ADGRB3: variants seen among roughly 807,000 people sequenced by gnomAD.
ADGRB3 encodes the protein adhesion G protein-coupled receptor B3.
In ADGRB3, 37 loss-of-function variants were observed where a neutral mutation model predicts 193.4. The ratio of observed to expected loss-of-function variants is 0.19; its 90% CI spans 0.15 to 0.25. The LOEUF is 0.25. Among genes scored for constraint, ADGRB3 ranks in the 10% least tolerant of loss-of-function variants. ADGRB3 has a pLI of 1.00. For synonymous variants in ADGRB3, 690 were observed against 644.2 expected (o/e 1.07, Z -1.08); for missense variants, 1,637 against 1,852.9 (o/e 0.88, Z 2.14).
At chr6:68,738,116 G>A (rs117264859) in intron 3 of ADGRB3, among the ~76,000 whole-genome samples, 3,229 of 152,220 alleles carry the variant, frequency 0.021, 63 homozygotes, top group South Asian at 0.068. Flanking sequence ...AATGTTTTGG[G>A]ATAAGGGTTC....
chr6:69,206,207 A>G (rs1765537176), intron 17 of ADGRB3, among the ~76,000 whole-genome samples: 1 of 151,642 alleles, frequency 6.6e-6, no homozygotes, highest in Non-Finnish European at 1.5e-5. Flanking sequence ...GAGGGCAGGA[A>G]GCATGCGGAA....
At chr6:69,184,165 T>C (rs1765015959) in intron 17 of ADGRB3, among the ~76,000 whole-genome samples, 1 of 152,094 alleles carries the variant, frequency 6.6e-6, no homozygotes, top group African/African-American at 2.4e-5. Context: ...TCGTCATAGC[T>C]GTAGCAAGTC....
At chr6:69,387,481 T>C (rs1214522717) in intron 31 of ADGRB3, among the ~76,000 whole-genome samples, 1 of 149,550 alleles carries the variant, frequency 6.7e-6, no homozygotes, top group Non-Finnish European at 1.5e-5. Flanking sequence ...CCATATATTC[T>C]CAGAAGTAAG....
chr6:68,798,907 G>A (rs757818125), intron 3 of ADGRB3, among the ~76,000 whole-genome samples: 14 of 152,154 alleles, frequency 9.2e-5, no homozygotes, highest in Non-Finnish European at 1.9e-4. Flanking sequence ...GAAGCTTCAC[G>A]AGTGAAAGGA....
chr6:69,117,039 T>C (rs1338560103), intron 17 of ADGRB3, among the ~76,000 whole-genome samples: 1 of 152,190 alleles, frequency 6.6e-6, no homozygotes, highest in African/African-American at 2.4e-5. Context: ...TTTTTTGTCT[T>C]ATTACAAAAG....
chr6:68,648,835 A>G (rs1018782906), intron 3 of ADGRB3, among the ~76,000 whole-genome samples: 8 of 151,436 alleles, frequency 5.3e-5, no homozygotes, highest in African/African-American at 1.7e-4. Flanking sequence ...AACACTAATA[A>G]TTTGTTCTCC....
intron 17 of ADGRB3, among the ~76,000 whole-genome samples, chr6:69,094,044 A>G (rs1483306865): frequency 6.6e-6 from 1 of 152,216 alleles, no homozygotes; most frequent in Admixed American, 6.5e-5. Context: ...ATGCTCTTAC[A>G]GGAATCCAGG....
chr6:68,912,165 A>G (rs998490989), intron 3 of ADGRB3, among the ~76,000 whole-genome samples: 1 of 152,048 alleles, frequency 6.6e-6, no homozygotes, highest in African/African-American at 2.4e-5. Flanking sequence ...GCTTGGATTC[A>G]GAAAACCTTT....
At chr6:69,261,441 G>T (rs1766926123) in intron 20 of ADGRB3, among the ~76,000 whole-genome samples, 1 of 151,966 alleles carries the variant, frequency 6.6e-6, no homozygotes, top group Admixed American at 6.6e-5. Context: ...GGATACAGGG[G>T]CCACTGAATG....
At chr6:69,239,363 G>T in intron 20 of ADGRB3, 137 bp downstream of exon 20, 1 of 596,392 alleles carries the variant, frequency 1.7e-6, no homozygotes, top group Non-Finnish European at 2.9e-6. Flanking sequence ...TTTGTTATTG[G>T]TTTATGAATA....
chr6:68,740,793 C>T (rs1765965552), intron 3 of ADGRB3, among the ~76,000 whole-genome samples: 1 of 152,054 alleles, frequency 6.6e-6, no homozygotes, highest in Admixed American at 6.6e-5. Context: ...GTCAGAAATA[C>T]TTTATAGGAT....
At chr6:69,152,421 T>C (rs1774705492) in intron 17 of ADGRB3, among the ~76,000 whole-genome samples, 1 of 152,202 alleles carries the variant, frequency 6.6e-6, no homozygotes, top group Non-Finnish European at 1.5e-5. Flanking sequence ...TGTTCTCCTA[T>C]TATGTAAATC....
At chr6:69,277,301 T>G (rs1465362991) in intron 20 of ADGRB3, among the ~76,000 whole-genome samples, 1 of 152,100 alleles carries the variant, frequency 6.6e-6, no homozygotes, top group Non-Finnish European at 1.5e-5. Flanking sequence ...CCCACTCTAG[T>G]CTTTCTTAAG....
chr6:68,768,049 C>T (rs1562021405), intron 3 of ADGRB3, among the ~76,000 whole-genome samples: 1 of 152,050 alleles, frequency 6.6e-6, no homozygotes, highest in Non-Finnish European at 1.5e-5. Context: ...AAGACACAAA[C>T]AAATGGAAAA....
Position 68,661,305 on chromosome 6 carries a change from A to ATGTG in ADGRB3, c.757+21891_757+21894dup, listed in dbSNP as rs1229319999. 8.8e-4 allele frequency among the ~76,000 whole-genome samples: 85 copies of ATGTG among 96,718 alleles called. 1 individual carries two copies. Among genetic ancestry groups the ATGTG allele is most frequent in the East Asian group, 7.6e-3 (27 of 3,574 alleles). 63.5% of individuals were successfully genotyped at this position (96,718 alleles called of 152,430 possible). Reference sequence around the variant, plus strand: ...ATAGGTGGCCAAAATATATATATATATGTGTGTGTGTGTGTGTGTGTATAT... The same window carrying ATGTG: ...ATAGGTGGCCAAAATATATATATATATGTGTGTGTGTGTGTGTGTGTGTGTATAT... On this transcript the variant is annotated intron_variant, in intron 3 of 31. Transcript: ENST00000370598.
At chr6:69,173,754 G>A (rs1775351376) in intron 17 of ADGRB3, among the ~76,000 whole-genome samples, 1 of 152,126 alleles carries the variant, frequency 6.6e-6, no homozygotes, top group Non-Finnish European at 1.5e-5. Context: ...ACAGTGACAG[G>A]TGGATAAAAA....
chr6:69,085,733 G>C (rs1259244109), intron 17 of ADGRB3, among the ~76,000 whole-genome samples: 15 of 151,708 alleles, frequency 9.9e-5, no homozygotes, highest in Admixed American at 9.2e-4. Flanking sequence ...GTAATTAAAG[G>C]TACCTAACAT....
At chr6:68,636,522 CACCCCTTCTTT>C (rs1160511333) in intron 1 of ADGRB3, among the ~76,000 whole-genome samples, 1 of 152,038 alleles carries the variant, frequency 6.6e-6, no homozygotes, top group African/African-American at 2.4e-5. Flanking sequence ...CCCCCGCCCC[CACCCCTTCTTT>C]AAGAGGGAAA....
At chr6:69,044,597 A>G (rs1242180486) in intron 13 of ADGRB3, among the ~76,000 whole-genome samples, 1 of 152,248 alleles carries the variant, frequency 6.6e-6, no homozygotes, top group Admixed American at 6.5e-5. Flanking sequence ...AGTTTGGCCA[A>G]TAAAAGACAT....
Sources: gnomAD v4.1 joint callset for allele counts (sites outside exome capture counted in the v4.1 genomes callset) on GRCh38, gnomAD v4.1.1 for gene constraint, MANE v1.5 for transcripts, NCBI Gene and HGNC (gene_info 2026-07-23, HGNC 2026-07-21) for gene names.